Variants in IDI2 observed in about 807,000 individuals in gnomAD.
IDI2 encodes isopentenyl-diphosphate delta-isomerase 2.
In IDI2, 18 loss-of-function variants were observed where a neutral mutation model predicts 14.8. That is an observed-to-expected ratio of 1.22 (90% confidence interval 0.84 to 1.80). The LOEUF is 1.80. Ranked by LOEUF, IDI2 falls within the 40% of genes most tolerant of loss-of-function variation. IDI2 has a pLI of 0.00. For synonymous variants in IDI2, 133 were observed against 109.6 expected (o/e 1.21, Z -1.33); for missense variants, 316 against 283.2 (o/e 1.12, Z -0.83).
intron 3 of IDI2, among the ~76,000 whole-genome samples, chr10:1,021,407 T>A (rs908297279): frequency 6.6e-6 from 1 of 152,198 alleles, no homozygotes; most frequent in Non-Finnish European, 1.5e-5. Context: ...AGGTTCTACT[T>A]AATTTACCCA....
chr10:1,022,942 G>A (rs1832137990), intron 2 of IDI2, among the ~76,000 whole-genome samples, 167 bp from the exon 3 acceptor site: 1 of 152,176 alleles, frequency 6.6e-6, no homozygotes, highest in African/African-American at 2.4e-5. Context: ...CAGAATCTCA[G>A]CGGATTAGAA....
intron 3 of IDI2, among the ~76,000 whole-genome samples, chr10:1,021,376 T>C (rs1832096957): frequency 6.6e-6 from 1 of 152,218 alleles, no homozygotes; most frequent in African/African-American, 2.4e-5. Context: ...GGAATACCTT[T>C]GACCAAGTTT....
chr10:1,019,327 T>C lies in IDI2; in HGVS notation c.*190A>G, dbSNP rs1489806405. 3.6e-6 allele frequency: 2 copies of C among 551,882 alleles called. No individual in the cohort carries two copies. The highest frequency in any genetic ancestry group is 6.4e-6 in the Non-Finnish European group (2 of 313,988). 34.2% of individuals were successfully genotyped at this position (551,882 alleles called of 1,614,324 possible). ...TCCCTGCAACCAGGCAGATGAGAAA[T>C]ATGGAAATAAGGAAAAGGGAAAATG... On this transcript the variant is annotated 3_prime_UTR_variant, in exon 5 of 5. Coordinates refer to ENST00000277517, the MANE Select transcript of IDI2 (RefSeq NM_033261.3).
chr10:1,020,178 A>G (rs1832066766), intron 4 of IDI2, among the ~76,000 whole-genome samples: 1 of 152,108 alleles, frequency 6.6e-6, no homozygotes, highest in South Asian at 2.1e-4. Flanking sequence ...GATGAAGGTA[A>G]CACATGCTCA....
intron 3 of IDI2, among the ~76,000 whole-genome samples, chr10:1,021,780 A>G (rs1230831223): frequency 1.3e-5 from 2 of 152,180 alleles, no homozygotes; most frequent in Non-Finnish European, 2.9e-5. Context: ...TGGGTTTGGG[A>G]ATGGGCAGGA....
intron 3 of IDI2, among the ~76,000 whole-genome samples, chr10:1,022,470 A>G (rs972879110): frequency 6.6e-6 from 1 of 152,146 alleles, no homozygotes; most frequent in African/African-American, 2.4e-5. Context: ...CCAGAAACTC[A>G]TATAGTTTCT....
At position 1,020,823 on chromosome 10, in the gene IDI2, C is replaced by A. The variant is rs370253572; in HGVS notation, c.310G>T (p.Val104Leu). Residue 104 changes from valine (V) to leucine (L), a missense_variant, in exon 4 of 5, where the codon GTG becomes TTG. By Grantham distance (32) the Val-to-Leu change is conservative (BLOSUM62 1). Coordinates refer to ENST00000277517, the MANE Select transcript of IDI2 (RefSeq NM_033261.3). ...AGACGCCTCTGGGCTGCCCTCCTCA[C>A]TCCGATGGCATCCTTTTCTTCCAGT... ...AELEEKDAIG[V>L]RRAAQRRLQA... 1.6e-5 allele frequency: 26 copies of A among 1,614,046 alleles called. No homozygotes were observed. The highest frequency in any genetic ancestry group is 1.7e-4 in the Middle Eastern group (1 of 6,042).
intron 3 of IDI2, among the ~76,000 whole-genome samples, chr10:1,021,110 C>T (rs112253381): frequency 6.6e-5 from 10 of 152,320 alleles, no homozygotes; most frequent in East Asian, 1.9e-4. Flanking sequence ...GACCACCTGG[C>T]GGGGCTGGCC....
chr10:1,023,135 A>G (rs1369066497), intron 2 of IDI2, among the ~76,000 whole-genome samples: 1 of 152,162 alleles, frequency 6.6e-6, no homozygotes, highest in Non-Finnish European at 1.5e-5. Flanking sequence ...AAGGGTTGAA[A>G]ACATGAGGGT....
rs781172778 is a variant in IDI2, at chr10:1,020,751, T to C, written c.366+16A>G. 2.5e-6 allele frequency: 4 copies of C among 1,603,436 alleles called. No homozygotes were observed. Among genetic ancestry groups the C allele is most frequent in the Non-Finnish European group, 3.4e-6 (4 of 1,175,310 alleles). ...GGACTCCCGTGGACACAGCTGAGAC[T>C]GGATGCTGTGTGTACCTGCTCCCCA... On this transcript the variant is annotated intron_variant, in intron 4 of 4. Coordinates refer to ENST00000277517, the MANE Select transcript of IDI2 (RefSeq NM_033261.3).
At chr10:1,022,556 T>C (rs553139238) in intron 3 of IDI2, 127 bp downstream of exon 3, 7 of 718,022 alleles carry the variant, frequency 9.7e-6, no homozygotes, top group Non-Finnish European at 1.8e-5. Flanking sequence ...CTGCCGATTT[T>C]CTGCAGGATG....
At chr10:1,022,295 A>C (rs1303681932) in intron 3 of IDI2, among the ~76,000 whole-genome samples, 2 of 152,146 alleles carry the variant, frequency 1.3e-5, no homozygotes, top group African/African-American at 4.8e-5. Flanking sequence ...TAATTTTAAG[A>C]AGTACAAGAT....
At chr10:1,024,155 TA>T (rs1832168883) in intron 2 of IDI2, among the ~76,000 whole-genome samples, 1 of 152,018 alleles carries the variant, frequency 6.6e-6, no homozygotes, top group Non-Finnish European at 1.5e-5. Context: ...GCCTATGGAT[TA>T]AAAGTTACTA....
Position 1,024,613 on chromosome 10 carries a change from C to T in IDI2, c.111G>A (p.Arg37=). 3 of 1,614,120 alleles carry T rather than the reference C, an allele frequency of 1.9e-6. No individual in the cohort carries two copies. The highest frequency in any genetic ancestry group is 2.5e-6 in the Non-Finnish European group (3 of 1,180,006). ...CAATGTTTTCGTTCAGATGGCAATT[C>T]CTCTTGGTGTCGGCACCAATAACCT... ...NDKVIGADTK[R]NCHLNENIEK... The change falls in exon 2 of 5, where the codon AGG becomes AGA. Residue 37 remains arginine, a synonymous_variant. Coordinates refer to ENST00000277517, the MANE Select transcript of IDI2 (RefSeq NM_033261.3).
At chr10:1,022,026 A>G (rs938645378) in intron 3 of IDI2, among the ~76,000 whole-genome samples, 8 of 152,324 alleles carry the variant, frequency 5.3e-5, no homozygotes, top group African/African-American at 1.9e-4. Flanking sequence ...TTGGAAGGCC[A>G]AGACAGGCAT....
rs1018024464 is a variant in IDI2, at chr10:1,019,005, C to G, written c.*512G>C. ...GTCGAGTCACTTGGCTGAGACCATA[C>G]GCATCTTCCGTACTGCTTGTATTAG... On this transcript the variant is annotated 3_prime_UTR_variant, in exon 5 of 5. Transcript: ENST00000277517. 1 of 154,000 alleles carries G rather than the reference C, an allele frequency of 6.5e-6. No individual in the cohort carries two copies. Among genetic ancestry groups the G allele is most frequent in the Non-Finnish European group, 1.4e-5 (1 of 69,352 alleles). 9.5% of individuals were successfully genotyped at this position (154,000 alleles called of 1,614,324 possible). A position where few individuals can be genotyped will look rare whatever the true frequency, so the allele number is the denominator to read the frequency against.
intron 4 of IDI2, among the ~76,000 whole-genome samples, chr10:1,020,424 T>G (rs996291486): frequency 1.3e-5 from 2 of 152,006 alleles, no homozygotes. Context: ...TTCTTGACCT[T>G]GTGATCCGCC....
At chr10:1,020,193 A>T (rs1832067148) in intron 4 of IDI2, among the ~76,000 whole-genome samples, 1 of 151,258 alleles carries the variant, frequency 6.6e-6, no homozygotes, top group East Asian at 1.9e-4. Flanking sequence ...TGCTCACAGG[A>T]TCCTGGACAT....
intron 3 of IDI2, among the ~76,000 whole-genome samples, chr10:1,022,476 T>G (rs1832127149): frequency 6.6e-6 from 1 of 152,052 alleles, no homozygotes; most frequent in African/African-American, 2.4e-5. Flanking sequence ...ACTCATATAG[T>G]TTCTTACTTT....
Sources: gnomAD v4.1 joint callset for allele counts (sites outside exome capture counted in the v4.1 genomes callset) on GRCh38, gnomAD v4.1.1 for gene constraint, MANE v1.5 for transcripts, NCBI Gene and HGNC (gene_info 2026-07-23, HGNC 2026-07-21) for gene names.